CCDC90B: variants seen among roughly 807,000 people sequenced by gnomAD.
CCDC90B encodes the protein coiled-coil domain-containing protein 90B, mitochondrial.
Under a neutral mutation model 37.0 loss-of-function variants are expected in CCDC90B, and 24 were observed. That is an observed-to-expected ratio of 0.65 (90% CI 0.47 to 0.91). The LOEUF is 0.91. Among genes scored for constraint, CCDC90B ranks in the 40% least tolerant of loss-of-function variants. The probability of loss-of-function intolerance (pLI) is 0.00; values close to 1 mark genes in which losing one functional copy is unlikely to be tolerated. For missense variants in CCDC90B, 319 were observed against 299.0 expected, an observed-to-expected ratio of 1.07 and a Z score of -0.49; for synonymous variants, 113 against 101.1, an observed-to-expected ratio of 1.12 and a Z score of -0.71.
At chr11:83,283,517 G>A (rs1236003415) in intron 1 of CCDC90B, among the ~76,000 whole-genome samples, 4 of 152,310 alleles carry the variant, frequency 2.6e-5, no homozygotes, top group African/African-American at 7.2e-5. Context: ...TATGAGGTAG[G>A]TATTGACACC....
At chr11:83,272,439 A>G (rs1864737951) in intron 7 of CCDC90B, among the ~76,000 whole-genome samples, 1 of 152,174 alleles carries the variant, frequency 6.6e-6, no homozygotes, top group South Asian at 2.1e-4. Context: ...CTATCATTTT[A>G]TGTGTGTGAA....
chr11:83,285,613 TGAGA>T, intron 1 of CCDC90B: 3 of 1,334,086 alleles, frequency 2.2e-6, no homozygotes, highest in Non-Finnish European at 2.9e-6. Flanking sequence ...AAACAACGGC[TGAGA>T]AAGAAGCCGG....
At chr11:83,285,848 T>A in intron 1 of CCDC90B, 25 bp downstream of exon 1, 2 of 1,601,268 alleles carry the variant, frequency 1.2e-6, no homozygotes, top group Non-Finnish European at 1.7e-6. Context: ...CACTCAGGCA[T>A]CTATGACACG....
rs1864676600 is a variant in CCDC90B at position 83,271,660 on chromosome 11, GT to G, written c.594+1986del. Among the ~76,000 whole-genome samples the G allele has an allele frequency of 5.9e-5, 9 of 152,320 alleles. No homozygotes were observed. In the South Asian group the frequency reaches 1.9e-3, roughly 32 times the overall value. On this transcript the variant is annotated intron_variant, in intron 7 of 8. Coordinates refer to ENST00000529689, the MANE Select transcript of CCDC90B (RefSeq NM_021825.5). ...GGAGAAATAGGAACGCTTTTACACT[GT>G]TGGTGGGAGTGTAAATTCGTTCAAC...
At position 83,286,343 on chromosome 11, in the gene CCDC90B, G is replaced by T; in HGVS notation, c.-371C>A. The T allele has an allele frequency of 1.4e-6, 1 of 716,398 alleles. No homozygotes were observed. The highest frequency in any genetic ancestry group is 2.3e-6 in the Non-Finnish European group (1 of 442,704). The allele number at this position is 716,398 out of a possible 1,614,324, so 44.4% of individuals were successfully genotyped here. ...ATAGCCAGCGGCCATTACGCGCTTG[G>T]GTCGGGGGAGATGGAGTCGCATTTA... On this transcript the variant is annotated 5_prime_UTR_variant, in exon 1 of 9. Coordinates refer to ENST00000529689, the MANE Select transcript of CCDC90B (RefSeq NM_021825.5).
At chr11:83,265,703 A>T (rs1196392840) in intron 8 of CCDC90B, among the ~76,000 whole-genome samples, 162 bp downstream of exon 8, 1 of 152,214 alleles carries the variant, frequency 6.6e-6, no homozygotes, top group Non-Finnish European at 1.5e-5. Flanking sequence ...CAAAAAATAT[A>T]TCCTGAGACT....
intron 1 of CCDC90B, among the ~76,000 whole-genome samples, chr11:83,284,520 G>C (rs1865569422): frequency 6.6e-6 from 1 of 152,314 alleles, no homozygotes; most frequent in South Asian, 2.1e-4. Context: ...AGTTGCACTA[G>C]AATAACTAAG....
At chr11:83,267,390 A>ACTATT in intron 7 of CCDC90B, 1 of 152,244 alleles carries the variant, frequency 6.6e-6, no homozygotes, top group Non-Finnish European at 1.5e-5. Flanking sequence ...CGAATGGCTA[A>ACTATT]CTAGAATAAA....
intron 1 of CCDC90B, among the ~76,000 whole-genome samples, chr11:83,281,509 A>C (rs1049226918): frequency 2.6e-5 from 4 of 152,232 alleles, no homozygotes; most frequent in African/African-American, 9.6e-5. Context: ...TTAACTGAAG[A>C]GATAAAAGCA....
intron 1 of CCDC90B, among the ~76,000 whole-genome samples, chr11:83,282,594 T>G (rs892760108): frequency 7.2e-5 from 11 of 152,196 alleles, no homozygotes; most frequent in Admixed American, 2.0e-4. Context: ...TTTCAAGGGC[T>G]CTTTGATTTT....
chr11:83,280,121 G>A lies in CCDC90B; in HGVS notation c.220+20C>T, dbSNP rs202008487. On this transcript the variant is annotated intron_variant, in intron 2 of 8. Transcript: ENST00000529689. Reference sequence around the variant, plus strand: ...AGTGCTATTAATTTTCTTCTTTCAGGAGGTATCCATGTTTCTCACCATGAG... The same window carrying A: ...AGTGCTATTAATTTTCTTCTTTCAGAAGGTATCCATGTTTCTCACCATGAG... 8 of 1,605,316 alleles carry A rather than the reference G, an allele frequency of 5.0e-6. No homozygotes were observed. Among genetic ancestry groups the A allele is most frequent in the Non-Finnish European group, 6.8e-6 (8 of 1,177,814 alleles).
intron 2 of CCDC90B, among the ~76,000 whole-genome samples, chr11:83,279,564 C>G (rs1865263387): frequency 6.6e-6 from 1 of 151,990 alleles, no homozygotes; most frequent in South Asian, 2.1e-4. Context: ...ACTGCTTGTT[C>G]TTCTTTTACA....
chr11:83,266,197 A>T (rs1461913833), intron 7 of CCDC90B, among the ~76,000 whole-genome samples: 2 of 152,226 alleles, frequency 1.3e-5, no homozygotes, highest in African/African-American at 4.8e-5. Flanking sequence ...TCAACGCAGA[A>T]GACGGGTGAT....
chr11:83,276,776 A>G (rs1052447227), intron 3 of CCDC90B, among the ~76,000 whole-genome samples: 1 of 152,256 alleles, frequency 6.6e-6, no homozygotes, highest in African/African-American at 2.4e-5. Flanking sequence ...ATTGTTAAGT[A>G]GCTAAATCTA....
At chr11:83,283,477 A>G (rs1012241222) in intron 1 of CCDC90B, among the ~76,000 whole-genome samples, 2 of 152,220 alleles carry the variant, frequency 1.3e-5, no homozygotes, top group African/African-American at 2.4e-5. Context: ...TCAAATATTC[A>G]CATAATATTT....
rs574655915 is a variant in CCDC90B at position 83,286,331 on chromosome 11, A to G, written c.-359T>C. 140 of 788,332 alleles carry G rather than the reference A, an allele frequency of 1.8e-4. 1 individual carries two copies. The South Asian group carries it at 2.4e-3, about 14-fold the overall frequency. 48.8% of individuals were successfully genotyped at this position (788,332 alleles called of 1,614,324 possible). The stretch of plus-strand genomic sequence containing the variant: ...GGCTCCCCCAAGATAGCCAGCGGCC[A>G]TTACGCGCTTGGGTCGGGGGAGATG... On this transcript the variant is annotated 5_prime_UTR_variant, in exon 1 of 9. An upstream start codon of the reference 5' UTR is lost. Coordinates refer to ENST00000529689, the MANE Select transcript of CCDC90B (RefSeq NM_021825.5).
In CCDC90B at chr11:83,260,296, T is replaced by A. The variant is rs1030566945; in HGVS notation, c.*1615A>T. On this transcript the variant is annotated 3_prime_UTR_variant, in exon 9 of 9. Transcript: ENST00000529689. Reference sequence around the variant, plus strand: ...ATCTCTGTGCACACAGGGACTAGCATGCTGTTTGGCATATAGCAGGCAGTC... The same window carrying A: ...ATCTCTGTGCACACAGGGACTAGCAAGCTGTTTGGCATATAGCAGGCAGTC... 5 of 152,234 alleles carry A rather than the reference T, an allele frequency of 3.3e-5. No individual in the cohort carries two copies. Among genetic ancestry groups the A allele is most frequent in the African/African-American group, 1.2e-4 (5 of 41,468 alleles). The allele number at this position is 152,234 out of a possible 1,614,324, so 9.4% of individuals were successfully genotyped here. A position where few individuals can be genotyped will look rare whatever the true frequency, so the allele number is the denominator to read the frequency against.
intron 3 of CCDC90B, among the ~76,000 whole-genome samples, chr11:83,277,771 C>T (rs1201505681): frequency 6.6e-6 from 1 of 151,916 alleles, no homozygotes; most frequent in South Asian, 2.1e-4. Context: ...AATGGGATTA[C>T]AGGTGTGACC....
At position 83,278,829 on chromosome 11, in the gene CCDC90B, C is replaced by A; in HGVS notation, c.221G>T (p.Gly74Val). Reference protein sequence around the residue: ...HALVQDLETHGFDKTQAETIV... With the variant: ...HALVQDLETHVFDKTQAETIV... Reference sequence around the variant, plus strand: ...TGTTTCTGCTTGTGTTTTGTCAAATCCTGTAGGCAGCAAATAGGTATTTTA... The same window carrying A: ...TGTTTCTGCTTGTGTTTTGTCAAATACTGTAGGCAGCAAATAGGTATTTTA... Residue 74 changes from glycine (G) to valine (V), a missense_variant and splice_region_variant, in exon 3 of 9, where the codon GGA becomes GTA. By Grantham distance (109) the Gly-to-Val change is moderately radical. Transcript: ENST00000529689. The A allele has an allele frequency of 6.2e-7, 1 of 1,602,784 alleles. No homozygotes were observed. Among genetic ancestry groups the A allele is most frequent in the Non-Finnish European group, 8.5e-7 (1 of 1,170,214 alleles).
Sources: allele counts gnomAD v4.1 joint callset (sites outside exome capture counted in the v4.1 genomes callset), GRCh38; gene constraint gnomAD v4.1.1; transcripts MANE v1.5; gene names NCBI Gene and HGNC (gene_info 2026-07-23, HGNC 2026-07-21).